Variants in CRMP1 observed in about 807,000 individuals in gnomAD.
The protein encoded by CRMP1 is collapsin response mediator protein 1.
A neutral mutation model predicts 68.3 loss-of-function variants in CRMP1; 19 were observed. The ratio of observed to expected loss-of-function variants is 0.28; its 90% confidence interval spans 0.19 to 0.41. The LOEUF (loss-of-function observed/expected upper bound fraction) is 0.41, where lower values mean the gene tolerates loss of function less well. CRMP1 is among the 10% of genes least tolerant of loss of function. The pLI is 1.00. For missense variants in CRMP1, 791 were observed against 967.4 expected, an observed-to-expected ratio of 0.82 and a Z score of 2.42; for synonymous variants, 439 against 399.6, an observed-to-expected ratio of 1.10 and a Z score of -1.18.
intron 1 of CRMP1, among the ~76,000 whole-genome samples, chr4:5,876,710 A>G (rs925094469): frequency 6.6e-6 from 1 of 152,182 alleles, no homozygotes; most frequent in Non-Finnish European, 1.5e-5. Context: ...CGCAATTCAA[A>G]ACTTCAAGAT....
chr4:5,822,159 C>T (rs748847437), intron 13 of CRMP1, among the ~76,000 whole-genome samples: 2 of 152,358 alleles, frequency 1.3e-5, no homozygotes, highest in Non-Finnish European at 1.5e-5. Context: ...CTACTGTGTG[C>T]AGGCGCACAT....
chr4:5,833,159 CTTTTTTTT>C (rs1160531301), intron 11 of CRMP1, among the ~76,000 whole-genome samples: 1 of 84,636 alleles, frequency 1.2e-5, no homozygotes, highest in African/African-American at 6.5e-5. Flanking sequence ...CCTTCCAGAA[CTTTTTTTT>C]TTTTTTTTTT....
Position 5,842,171 on chromosome 4 carries a change from GA to G in CRMP1, c.1033-744del, listed in dbSNP as rs1445235882. 5.9e-5 allele frequency among the ~76,000 whole-genome samples: 9 copies of G among 152,158 alleles called. No individual in the cohort carries two copies. The highest frequency in any genetic ancestry group is 1.3e-4 in the Non-Finnish European group (9 of 68,024). On this transcript the variant is annotated intron_variant, in intron 7 of 13. Transcript: ENST00000324989. The surrounding 1 kb of genome is among the most constrained non-coding windows in gnomAD (Gnocchi z 4.5). ...GAGAATGGTGTGAACCCGGGAGGCAGAGCTTGCAGTGAGCCAAGATGGCGCC... is the reference window on the plus strand; with the variant it reads ...GAGAATGGTGTGAACCCGGGAGGCAGGCTTGCAGTGAGCCAAGATGGCGCC...
At chr4:5,867,366 G>A (rs1049975585) in intron 1 of CRMP1, among the ~76,000 whole-genome samples, 4 of 152,052 alleles carry the variant, frequency 2.6e-5, no homozygotes, top group African/African-American at 4.8e-5. Flanking sequence ...AATGTCATTC[G>A]TTTGTTGAAG....
At position 5,855,921 on chromosome 4, in the gene CRMP1, G is replaced by A. The variant is rs1409519246; in HGVS notation, c.820+222C>T. ...CTGGGCACAGCAGGCTGCAGAGACT[G>A]GATCTGCTTCTGAGAACAAGGACAC... On this transcript the variant is annotated intron_variant, in intron 4 of 13. Transcript: ENST00000324989. This position sits in a 1 kb window ranked among gnomAD's most constrained non-coding sequence, Gnocchi z 4.9. Among the ~76,000 whole-genome samples the A allele has an allele frequency of 6.6e-6, 1 of 152,156 alleles. No individual in the cohort carries two copies. Among genetic ancestry groups the A allele is most frequent in the Non-Finnish European group, 1.5e-5 (1 of 68,034 alleles).
chr4:5,825,742 G>T lies in CRMP1; in HGVS notation c.1804-83C>A. On this transcript the variant is annotated intron_variant, in intron 12 of 13. Transcript: ENST00000324989. The surrounding 1 kb of genome is among the most constrained non-coding windows in gnomAD (Gnocchi z 4.4). ...GCAGATAAAGCAGAGCCCTGCGGGC[G>T]AGAGAGAAACCTGAGGTCACTTCAA... 6.9e-7 allele frequency: 1 copy of T among 1,457,174 alleles called. No homozygotes were observed. The highest frequency in any genetic ancestry group is 9.4e-7 in the Non-Finnish European group (1 of 1,068,486). 90.3% of individuals were successfully genotyped at this position (1,457,174 alleles called of 1,614,324 possible).
intron 1 of CRMP1, among the ~76,000 whole-genome samples, chr4:5,886,702 C>G (rs921704723): frequency 1.3e-5 from 2 of 152,252 alleles, no homozygotes; most frequent in Admixed American, 6.5e-5. Flanking sequence ...CACTGCATCA[C>G]CCCGACCCCA....
chr4:5,827,116 AC>A (rs1014585821), intron 12 of CRMP1, among the ~76,000 whole-genome samples: 2 of 150,960 alleles, frequency 1.3e-5, no homozygotes, highest in Non-Finnish European at 3.0e-5. Flanking sequence ...GTGCAATGGG[AC>A]CCCCCGATCC....
In CRMP1 at chr4:5,825,929, T is replaced by G; in HGVS notation, c.1804-270A>C. The G allele has an allele frequency of 1.2e-5, 6 of 492,598 alleles. No homozygotes were observed. The allele number at this position is 492,598 out of a possible 1,614,324, so 30.5% of individuals were successfully genotyped here. On this transcript the variant is annotated intron_variant, in intron 12 of 13. Coordinates refer to ENST00000324989, the MANE Select transcript of CRMP1 (RefSeq NM_001014809.3). The surrounding 1 kb of genome is among the most constrained non-coding windows in gnomAD (Gnocchi z 4.4). ...CACACACCACGCACACGCACTCACA[T>G]ACATGCAGTCATGCACACATATATG...
chr4:5,872,461 C>T lies in CRMP1; in HGVS notation c.382-5705G>A, dbSNP rs1714524847. On this transcript the variant is annotated intron_variant, in intron 1 of 13. Transcript: ENST00000324989. This position sits in a 1 kb window ranked among gnomAD's most constrained non-coding sequence, Gnocchi z 4.6. ...CAGCACTTTGGGAGGCCGAGGTTGG[C>T]GGATCACCTGAGGTTAGGAGTTTGA... Among the ~76,000 whole-genome samples, 2 of 151,968 alleles carry T rather than the reference C, an allele frequency of 1.3e-5. No individual in the cohort carries two copies. The highest frequency in any genetic ancestry group is 4.1e-4 in the South Asian group (2 of 4,822).
rs1715766328 is a variant in CRMP1, at chr4:5,888,488, G to A, written c.381+4101C>T. On this transcript the variant is annotated intron_variant, in intron 1 of 13. Coordinates refer to ENST00000324989, the MANE Select transcript of CRMP1 (RefSeq NM_001014809.3). This position sits in a 1 kb window ranked among gnomAD's most constrained non-coding sequence, Gnocchi z 6.4. ...CCAGCACCGCCCGGATCGGCGAGGA[G>A]GGCGGGAGAAGGAGGAGGGAGAGGC... 1 of 1,206,054 alleles carries A rather than the reference G, an allele frequency of 8.3e-7. No homozygotes were observed. The highest frequency in any genetic ancestry group is 1.0e-6 in the Non-Finnish European group (1 of 971,708). 74.7% of individuals were successfully genotyped at this position (1,206,054 alleles called of 1,614,324 possible).
chr4:5,836,899 A>G lies in CRMP1; in HGVS notation c.1318T>C (p.Leu440=), dbSNP rs1242934346. Reference sequence around the variant, plus strand: ...CAGTGGCCGCTGCCTGTGACCTGCAAGTCCCCACTGGCAAGGACAAAACAA... The same window carrying G: ...CAGTGGCCGCTGCCTGTGACCTGCAGGTCCCCACTGGCAAGGACAAAACAA... ...YLTSLLACGD[L]QVTGSGHCPY... Residue 440 remains leucine (L), a synonymous_variant, in exon 10 of 14, where the codon TTG becomes CTG. Coordinates refer to ENST00000324989, the MANE Select transcript of CRMP1 (RefSeq NM_001014809.3). The G allele has an allele frequency of 1.2e-6, 2 of 1,610,870 alleles. No homozygotes were observed. Among genetic ancestry groups the G allele is most frequent in the East Asian group, 2.2e-5 (1 of 44,872 alleles).
chr4:5,845,352 T>C (rs752787694), intron 6 of CRMP1, among the ~76,000 whole-genome samples: 14 of 152,230 alleles, frequency 9.2e-5, no homozygotes, highest in Admixed American at 1.3e-4. Flanking sequence ...ACCTACTGCT[T>C]TTTGGTTAAT....
intron 10 of CRMP1, 21 bp downstream of exon 10, chr4:5,836,744 T>C (rs1720753625): frequency 1.2e-6 from 2 of 1,614,024 alleles, no homozygotes; most frequent in Non-Finnish European, 1.7e-6. Context: ...AGAATGCTCC[T>C]GAGAAGAGAT....
rs1714919073 is a variant in CRMP1, at chr4:5,877,444, C to G, written c.382-10688G>C. 3.3e-5 allele frequency among the ~76,000 whole-genome samples: 5 copies of G among 152,216 alleles called. No homozygotes were observed. Among genetic ancestry groups the G allele is most frequent in the South Asian group, 2.1e-4 (1 of 4,830 alleles). On this transcript the variant is annotated intron_variant, in intron 1 of 13. Coordinates refer to ENST00000324989, the MANE Select transcript of CRMP1 (RefSeq NM_001014809.3). This position sits in a 1 kb window ranked among gnomAD's most constrained non-coding sequence, Gnocchi z 4.3. Reference sequence around the variant, plus strand: ...GAGCCTTCCCCTTGAGCAAGCTCCCCACTCTGGCCTCCTTGCAACGGCAAG... The same window carrying G: ...GAGCCTTCCCCTTGAGCAAGCTCCCGACTCTGGCCTCCTTGCAACGGCAAG...
chr4:5,885,788 C>T (rs1485842554), intron 1 of CRMP1, among the ~76,000 whole-genome samples: 2 of 152,210 alleles, frequency 1.3e-5, no homozygotes, highest in African/African-American at 2.4e-5. Context: ...ACCCATTCAT[C>T]TCCTTCCCAC....
intron 1 of CRMP1, among the ~76,000 whole-genome samples, chr4:5,875,666 C>T (rs1001205153): frequency 2.6e-5 from 4 of 152,076 alleles, no homozygotes; most frequent in African/African-American, 9.7e-5. Flanking sequence ...TACAGAGACA[C>T]GGTCTTCTGA....
At chr4:5,862,701 C>A (rs78556417) in intron 2 of CRMP1, among the ~76,000 whole-genome samples, 9 of 152,166 alleles carry the variant, frequency 5.9e-5, no homozygotes, top group Non-Finnish European at 1.3e-4. Context: ...TGTGTCTACA[C>A]ATGGGCACGG....
chr4:5,828,963 G>C (rs762016696), intron 11 of CRMP1, among the ~76,000 whole-genome samples: 9 of 152,098 alleles, frequency 5.9e-5, no homozygotes, highest in African/African-American at 2.2e-4. Flanking sequence ...TGGCTGCTTT[G>C]ACTGTACTGG....
Sources: gnomAD v4.1 joint callset for allele counts (sites outside exome capture counted in the v4.1 genomes callset) on GRCh38, gnomAD v4.1.1 for gene constraint, Gnocchi (gnomAD v3.1) non-coding constraint, MANE v1.5 for transcripts, NCBI Gene and HGNC (gene_info 2026-07-23, HGNC 2026-07-21) for gene names.